GALNT13: variants seen among roughly 807,000 people sequenced by gnomAD.
GALNT13 encodes the protein UDP-GalNAc:polypeptide N-acetylgalactosaminyltransferase 13.
Under a neutral mutation model 64.2 loss-of-function variants are expected in GALNT13, and 28 were observed. That is an observed-to-expected ratio of 0.44 (90% confidence interval 0.32 to 0.60). The LOEUF (loss-of-function observed/expected upper bound fraction) is 0.60, where lower values mean the gene tolerates loss of function less well. GALNT13 is among the 20% of genes least tolerant of loss of function. The probability of loss-of-function intolerance (pLI) is 0.05; values close to 1 mark genes in which losing one functional copy is unlikely to be tolerated. For synonymous variants in GALNT13, 214 were observed against 224.6 expected (o/e 0.95, Z 0.42); for missense variants, 577 against 669.8 (o/e 0.86, Z 1.53).
chr2:153,081,044 C>T, the GALNT13 span, among the ~76,000 whole-genome samples: 1 of 151,862 alleles, frequency 6.6e-6, no homozygotes, highest in Non-Finnish European at 1.5e-5. Flanking sequence ...AATATGTGTG[C>T]TTCTTATATA....
chr2:153,627,364 G>T, the GALNT13 span, among the ~76,000 whole-genome samples: 2 of 152,062 alleles, frequency 1.3e-5, no homozygotes, highest in African/African-American at 4.8e-5. Context: ...CTTAGAGTTT[G>T]GTTGCAAAGT....
In GALNT13 at chr2:154,107,971, A is replaced by G. The variant is rs965709890; in HGVS notation, c.143-32366A>G. On this transcript the variant is annotated intron_variant, in intron 3 of 12. Coordinates refer to ENST00000392825, the MANE Select transcript of GALNT13 (RefSeq NM_052917.4). The stretch of plus-strand genomic sequence containing the variant: ...AAGCATGCATATTTTGTCATTGGGT[A>G]TATATACCACATTTCTTTATTCATT... Among the ~76,000 whole-genome samples the G allele has an allele frequency of 3.9e-5, 6 of 152,272 alleles. No homozygotes were observed. The South Asian group carries it at 6.2e-4, about 16-fold the overall frequency.
At chr2:153,399,547 T>TA in the GALNT13 span, among the ~76,000 whole-genome samples, 4 of 152,134 alleles carry the variant, frequency 2.6e-5, no homozygotes, top group African/African-American at 9.7e-5. Flanking sequence ...TGATTCTTCC[T>TA]ACCCATGAGC....
chr2:154,350,052 A>T (rs2105251501), intron 9 of GALNT13, among the ~76,000 whole-genome samples: 1 of 152,296 alleles, frequency 6.6e-6, no homozygotes, highest in Admixed American at 6.5e-5. Context: ...ACCAGAAGAA[A>T]TTTTTATCAA....
intron 3 of GALNT13, among the ~76,000 whole-genome samples, chr2:154,031,505 G>A (rs899427502): frequency 6.6e-6 from 1 of 151,730 alleles, no homozygotes; most frequent in African/African-American, 2.4e-5. Flanking sequence ...TATATACTGT[G>A]TACAAGAAAC....
the GALNT13 span, among the ~76,000 whole-genome samples, chr2:153,331,448 T>C: frequency 6.6e-6 from 1 of 151,824 alleles, no homozygotes; most frequent in Non-Finnish European, 1.5e-5. Flanking sequence ...GATATATATA[T>C]AAAGTATTAA....
intron 9 of GALNT13, among the ~76,000 whole-genome samples, chr2:154,336,281 T>C (rs957167094): frequency 6.6e-6 from 1 of 152,094 alleles, no homozygotes; most frequent in Non-Finnish European, 1.5e-5. Context: ...ACAGACTGTC[T>C]GGTCTTTTGA....
the GALNT13 span, chr2:153,478,089 C>G: frequency 7.6e-6 from 5 of 660,038 alleles, no homozygotes; most frequent in African/African-American, 9.1e-5. Flanking sequence ...GAGGGAGAAA[C>G]CGGTCGCTTC....
chr2:153,632,140 T>C, the GALNT13 span, among the ~76,000 whole-genome samples: 1 of 152,178 alleles, frequency 6.6e-6, no homozygotes, highest in African/African-American at 2.4e-5. Flanking sequence ...TTTCCTGCTG[T>C]AAAAAGCTAA....
intron 1 of GALNT13, among the ~76,000 whole-genome samples, chr2:153,893,190 G>A (rs903922541): frequency 2.0e-5 from 3 of 152,182 alleles, no homozygotes; most frequent in Non-Finnish European, 4.4e-5. Flanking sequence ...AGACACTGGC[G>A]AGGCACCTTT....
the GALNT13 span, among the ~76,000 whole-genome samples, chr2:153,068,876 A>G: frequency 1.3e-5 from 2 of 152,262 alleles, no homozygotes; most frequent in South Asian, 2.1e-4. Flanking sequence ...CTCCTCCCCA[A>G]TTGAATAAGC....
intron 3 of GALNT13, among the ~76,000 whole-genome samples, chr2:153,974,300 G>A (rs1275733922): frequency 6.6e-6 from 1 of 152,038 alleles, no homozygotes; most frequent in Non-Finnish European, 1.5e-5. Context: ...GCTGTATAGT[G>A]GTTAACAATC....
intron 4 of GALNT13, among the ~76,000 whole-genome samples, chr2:154,173,559 A>G (rs887057203): frequency 9.9e-5 from 15 of 151,952 alleles, no homozygotes; most frequent in African/African-American, 3.6e-4. Context: ...ATGAGATAAC[A>G]AAGCTAAAAA....
chr2:154,341,498 C>CA (rs1025697547), intron 9 of GALNT13, among the ~76,000 whole-genome samples: 43 of 151,726 alleles, frequency 2.8e-4, no homozygotes, highest in Admixed American at 7.2e-4. Flanking sequence ...GACTTTGTTA[C>CA]AAAAAAAGAT....
At position 153,880,807 on chromosome 2, in the gene GALNT13, A is replaced by G. The variant is rs182987837; in HGVS notation, c.-177+8504A>G. 1.1e-3 allele frequency among the ~76,000 whole-genome samples: 164 copies of G among 150,900 alleles called. 2 individuals are homozygous for G. The highest frequency in any genetic ancestry group is 1.5e-3 in the Non-Finnish European group (103 of 67,910). On this transcript the variant is annotated intron_variant, in intron 1 of 12. Coordinates refer to ENST00000392825, the MANE Select transcript of GALNT13 (RefSeq NM_052917.4). Reference sequence around the variant, plus strand: ...AATACTGTATTTATTATTTTTTAGTATTCTTTTTCTTTGCTCCATATCTTG... The same window carrying G: ...AATACTGTATTTATTATTTTTTAGTGTTCTTTTTCTTTGCTCCATATCTTG...
chr2:153,309,972 G>T, the GALNT13 span, among the ~76,000 whole-genome samples: 11 of 151,956 alleles, frequency 7.2e-5, no homozygotes, highest in Non-Finnish European at 1.0e-4. Flanking sequence ...AAAAACACTG[G>T]CAGTAAAAAA....
At chr2:154,066,969 T>C (rs866790253) in intron 3 of GALNT13, among the ~76,000 whole-genome samples, 2 of 152,016 alleles carry the variant, frequency 1.3e-5, no homozygotes, top group Admixed American at 6.6e-5. Flanking sequence ...AGAGAAATAA[T>C]AAAAAGTTAA....
At chr2:153,775,058 T>C in the GALNT13 span, among the ~76,000 whole-genome samples, 2 of 152,226 alleles carry the variant, frequency 1.3e-5, no homozygotes. Flanking sequence ...TGCTTTATTA[T>C]AGAAAGATAC....
chr2:153,518,504 G>T, the GALNT13 span, among the ~76,000 whole-genome samples: 1 of 152,126 alleles, frequency 6.6e-6, no homozygotes, highest in Non-Finnish European at 1.5e-5. Context: ...AAAGTCACAA[G>T]ACATGGGCTT....
Sources: gnomAD v4.1 joint callset for allele counts (sites outside exome capture counted in the v4.1 genomes callset) on GRCh38, gnomAD v4.1.1 for gene constraint, MANE v1.5 for transcripts, NCBI Gene and HGNC (gene_info 2026-07-23, HGNC 2026-07-21) for gene names.